Variants in LRRC4C observed in about 807,000 individuals in gnomAD.
LRRC4C encodes the protein leucine-rich repeat-containing protein 4C.
Under a neutral mutation model 33.6 loss-of-function variants are expected in LRRC4C, and 5 were observed. The ratio of observed to expected loss-of-function variants is 0.15; its 90% confidence interval spans 0.08 to 0.31. LRRC4C has a LOEUF of 0.31. LRRC4C is among the 10% of genes least tolerant of loss of function. LRRC4C has a pLI of 1.00. For missense variants in LRRC4C, 560 were observed against 796.7 expected (o/e 0.70, Z 3.58); for synonymous variants, 329 against 302.0 (o/e 1.09, Z -0.93).
intron 1 of LRRC4C, among the ~76,000 whole-genome samples, chr11:41,302,068 T>C (rs1264265835): frequency 3.9e-5 from 6 of 152,176 alleles, no homozygotes; most frequent in Non-Finnish European, 8.8e-5. Context: ...AATTCACCAT[T>C]GCATTTCAGG....
intron 1 of LRRC4C, among the ~76,000 whole-genome samples, chr11:41,245,490 A>T (rs544001719): frequency 1.3e-5 from 2 of 152,294 alleles, no homozygotes; most frequent in East Asian, 3.9e-4. Context: ...TGGCTAGACC[A>T]GGCATACCAC....
At chr11:40,747,933 A>G (rs1948504220) in intron 2 of LRRC4C, among the ~76,000 whole-genome samples, 1 of 152,158 alleles carries the variant, frequency 6.6e-6, no homozygotes, top group Admixed American at 6.6e-5. Context: ...AAATCTTTAA[A>G]TTATCAGAGT....
intron 4 of LRRC4C, among the ~76,000 whole-genome samples, chr11:40,281,067 G>C (rs1251473401): frequency 1.3e-5 from 2 of 152,158 alleles, no homozygotes; most frequent in African/African-American, 4.8e-5. Flanking sequence ...GATGCAGAGA[G>C]GGTGAGAAAG....
chr11:40,170,967 T>G (rs930798697), intron 5 of LRRC4C, among the ~76,000 whole-genome samples: 1 of 152,158 alleles, frequency 6.6e-6, no homozygotes, highest in East Asian at 1.9e-4. Flanking sequence ...GCATATAATA[T>G]GTAGCGAGGA....
At chr11:40,183,487 A>C (rs1861173342) in intron 5 of LRRC4C, among the ~76,000 whole-genome samples, 1 of 152,192 alleles carries the variant, frequency 6.6e-6, no homozygotes, top group African/African-American at 2.4e-5. Context: ...CTGCTGCCAA[A>C]GAGGTGAGAA....
chr11:41,338,996 A>G (rs374950875), intron 1 of LRRC4C, among the ~76,000 whole-genome samples: 1 of 152,228 alleles, frequency 6.6e-6, no homozygotes, highest in Non-Finnish European at 1.5e-5. Context: ...AGTAACACAT[A>G]GAAAATGCTG....
intron 1 of LRRC4C, among the ~76,000 whole-genome samples, chr11:41,042,336 T>C (rs938354522): frequency 1.5e-4 from 23 of 152,278 alleles, no homozygotes; most frequent in African/African-American, 5.3e-4. Flanking sequence ...TCAGTTGATA[T>C]ACACAATCAC....
intron 1 of LRRC4C, among the ~76,000 whole-genome samples, chr11:41,235,132 T>C (rs1947962951): frequency 6.6e-6 from 1 of 152,090 alleles, no homozygotes; most frequent in Non-Finnish European, 1.5e-5. Context: ...CCTTTTTTAC[T>C]ACCCCCAAGT....
intron 3 of LRRC4C, among the ~76,000 whole-genome samples, chr11:40,345,323 A>G (rs1197053473): frequency 6.6e-6 from 1 of 152,158 alleles, no homozygotes; most frequent in African/African-American, 2.4e-5. Context: ...AGTAACCAAA[A>G]CAGCATGATA....
chr11:40,631,462 A>G (rs537111980), intron 3 of LRRC4C, among the ~76,000 whole-genome samples: 3 of 152,312 alleles, frequency 2.0e-5, no homozygotes, highest in Non-Finnish European at 4.4e-5. Flanking sequence ...ACAGCTCAAT[A>G]CTGTAACAGA....
chr11:41,271,125 G>T (rs1189834726), intron 1 of LRRC4C, among the ~76,000 whole-genome samples: 1 of 152,044 alleles, frequency 6.6e-6, no homozygotes, highest in Non-Finnish European at 1.5e-5. Context: ...CATATAATTT[G>T]GGGGGACACT....
At chr11:40,861,948 C>A (rs1565145468) in intron 2 of LRRC4C, among the ~76,000 whole-genome samples, 1 of 152,128 alleles carries the variant, frequency 6.6e-6, no homozygotes, top group African/African-American at 2.4e-5. Flanking sequence ...GGTCCTGTGA[C>A]CCAAACACCT....
At chr11:41,060,020 G>T (rs1010836470) in intron 1 of LRRC4C, among the ~76,000 whole-genome samples, 1 of 152,164 alleles carries the variant, frequency 6.6e-6, no homozygotes, top group Admixed American at 6.5e-5. Flanking sequence ...GTGAGACTCT[G>T]TCTCAAAAAC....
intron 2 of LRRC4C, among the ~76,000 whole-genome samples, chr11:40,765,895 G>A: frequency 6.6e-6 from 1 of 151,810 alleles, no homozygotes; most frequent in East Asian, 1.9e-4. Flanking sequence ...GTGGAGAGAT[G>A]GGGTTAGAAA....
At chr11:41,015,318 T>G (rs1330730661) in intron 1 of LRRC4C, among the ~76,000 whole-genome samples, 6 of 152,186 alleles carry the variant, frequency 3.9e-5, no homozygotes, top group East Asian at 1.9e-4. Context: ...TTTATATATT[T>G]TAAAATTTTG....
At chr11:40,715,614 G>T (rs746679280) in intron 2 of LRRC4C, among the ~76,000 whole-genome samples, 24 of 152,224 alleles carry the variant, frequency 1.6e-4, no homozygotes, top group Admixed American at 5.2e-4. Context: ...AGTGAAATTT[G>T]TAGTAGCAAG....
intron 1 of LRRC4C, among the ~76,000 whole-genome samples, chr11:41,218,072 TG>T (rs1436014993): frequency 6.6e-6 from 1 of 151,888 alleles, no homozygotes; most frequent in Non-Finnish European, 1.5e-5. Flanking sequence ...ACATACGGCA[TG>T]TGGTATTATA....
rs151320864 is a variant in LRRC4C, at chr11:40,258,327, A to G, written c.-175-16729T>C. Among the ~76,000 whole-genome samples, 800 of 152,276 alleles carry G rather than the reference A, an allele frequency of 5.3e-3. 25 individuals are homozygous for G. Among genetic ancestry groups the G allele is most frequent in the Admixed American group, 0.046 (709 of 15,276 alleles). On this transcript the variant is annotated intron_variant, in intron 4 of 6. Coordinates refer to ENST00000528697, the MANE Select transcript of LRRC4C (RefSeq NM_001258419.2). The stretch of plus-strand genomic sequence containing the variant: ...ACCTCAAAAAACAATTTCAGCCTAG[A>G]TTCTCCAATTCCTCCAATTCATACT...
intron 1 of LRRC4C, among the ~76,000 whole-genome samples, chr11:41,289,276 T>A (rs992593974): frequency 1.3e-5 from 2 of 152,184 alleles, no homozygotes; most frequent in Non-Finnish European, 2.9e-5. Flanking sequence ...AGTCTTTGTG[T>A]TAATGTATTT....
Sources: allele counts gnomAD v4.1 joint callset (sites outside exome capture counted in the v4.1 genomes callset), GRCh38; gene constraint gnomAD v4.1.1; transcripts MANE v1.5; gene names NCBI Gene and HGNC (gene_info 2026-07-23, HGNC 2026-07-21).